The following ZNF609 variants were observed in gnomAD, a reference collection of about 807,000 sequenced individuals.
ZNF609 encodes the protein zinc finger protein 609.
A neutral mutation model predicts 109.5 loss-of-function variants in ZNF609; 11 were observed. The ratio of observed to expected loss-of-function variants is 0.10; its 90% CI spans 0.06 to 0.17. The LOEUF (loss-of-function observed/expected upper bound fraction) is 0.17, where lower values mean the gene tolerates loss of function less well. Ranked by LOEUF, ZNF609 falls within the 10% of genes least tolerant of loss-of-function variation. The pLI is 1.00. For missense variants in ZNF609, 1,559 were observed against 1,772.4 expected (o/e 0.88, Z 2.16); for synonymous variants, 646 against 662.0 (o/e 0.98, Z 0.37).
intron 1 of ZNF609, among the ~76,000 whole-genome samples, chr15:64,492,662 G>T (rs902024888): frequency 1.3e-5 from 2 of 152,112 alleles, no homozygotes; most frequent in Admixed American, 6.6e-5. Context: ...GATTACAGTC[G>T]TGAGGTGCTG....
In ZNF609 at chr15:64,585,873, T is replaced by C. The variant is rs114819806; in HGVS notation, c.748-36954T>C. Among the ~76,000 whole-genome samples the C allele has an allele frequency of 8.8e-3, 1,341 of 152,206 alleles. 24 individuals carry two copies. The highest frequency in any genetic ancestry group is 0.031 in the African/African-American group (1,280 of 41,534). On this transcript the variant is annotated intron_variant, in intron 2 of 9. Transcript: ENST00000326648. Reference sequence around the variant, plus strand: ...TTTGGTTTTGTTTTTTGAGACAGAGTCTTCCTCTGTCGTTCAGACTGGAGT... The same window carrying C: ...TTTGGTTTTGTTTTTTGAGACAGAGCCTTCCTCTGTCGTTCAGACTGGAGT...
intron 1 of ZNF609, among the ~76,000 whole-genome samples, chr15:64,476,431 G>A (rs1026251691): frequency 6.6e-6 from 1 of 152,160 alleles, no homozygotes; most frequent in Non-Finnish European, 1.5e-5. Flanking sequence ...GGAAAAGAGG[G>A]TTAGGTAGGA....
At chr15:64,549,266 C>T (rs1172569015) in intron 2 of ZNF609, among the ~76,000 whole-genome samples, 1 of 152,080 alleles carries the variant, frequency 6.6e-6, no homozygotes, top group Admixed American at 6.6e-5. Context: ...TCTTGGCTTA[C>T]CACAACCTCC....
In ZNF609 at chr15:64,678,313, C is replaced by T. The variant is rs1896835384; in HGVS notation, c.3600C>T (p.Arg1200=). 2.5e-6 allele frequency: 4 copies of T among 1,614,122 alleles called. No homozygotes were observed. The highest frequency in any genetic ancestry group is 3.4e-6 in the Non-Finnish European group (4 of 1,180,012). ...DCKLPTSEES[R]LGSKEPRPSV... The stretch of plus-strand genomic sequence containing the variant: ...AGCTGCCCACGTCAGAGGAGTCTCG[C>T]CTTGGGAGCAAGGAGCCCCGGCCAA... Residue 1200 remains arginine (R), a synonymous_variant, in exon 6 of 10, where the codon CGC becomes CGT. Coordinates refer to ENST00000326648, the MANE Select transcript of ZNF609 (RefSeq NM_015042.2).
At chr15:64,593,081 G>A (rs1259051733) in intron 2 of ZNF609, 2 of 1,593,286 alleles carry the variant, frequency 1.3e-6, no homozygotes, top group Non-Finnish European at 1.7e-6. Flanking sequence ...CAAAGACAAG[G>A]CCATTAAGAA....
intron 2 of ZNF609, among the ~76,000 whole-genome samples, chr15:64,576,897 T>G (rs1227450798): frequency 7.4e-6 from 1 of 135,912 alleles, no homozygotes; most frequent in African/African-American, 2.6e-5. Flanking sequence ...TATAAATATA[T>G]ACATATATAT....
intron 1 of ZNF609, among the ~76,000 whole-genome samples, chr15:64,486,626 T>A (rs972232583): frequency 2.0e-5 from 3 of 152,180 alleles, no homozygotes; most frequent in African/African-American, 7.2e-5. Context: ...GGGGCAGCTT[T>A]TTTTTTCAAG....
At chr15:64,617,578 G>A (rs1468752911) in intron 2 of ZNF609, among the ~76,000 whole-genome samples, 6 of 151,720 alleles carry the variant, frequency 4.0e-5, no homozygotes, top group Non-Finnish European at 7.4e-5. Context: ...TCAGGAGTTC[G>A]AGACCAGCCT....
intron 2 of ZNF609, among the ~76,000 whole-genome samples, chr15:64,551,058 AT>A (rs1894460683): frequency 1.3e-5 from 2 of 151,944 alleles, no homozygotes; most frequent in African/African-American, 4.8e-5. Context: ...GAGTTTTATA[AT>A]TTTAGCTTCT....
intron 2 of ZNF609, among the ~76,000 whole-genome samples, chr15:64,563,693 T>G (rs1894725365): frequency 6.6e-6 from 1 of 151,862 alleles, no homozygotes; most frequent in African/African-American, 2.4e-5. Context: ...GGAGAATAGC[T>G]TGAACCTAGG....
chr15:64,515,454 G>T (rs1365696259), intron 2 of ZNF609, among the ~76,000 whole-genome samples: 3 of 152,184 alleles, frequency 2.0e-5, no homozygotes, highest in Non-Finnish European at 4.4e-5. Context: ...CTCTCCCTGG[G>T]AAGCAGTTTG....
At chr15:64,607,093 G>A (rs1230099515) in intron 2 of ZNF609, among the ~76,000 whole-genome samples, 1 of 152,064 alleles carries the variant, frequency 6.6e-6, no homozygotes, top group Non-Finnish European at 1.5e-5. Flanking sequence ...GCAGTAAGCT[G>A]AGATCGCGCC....
rs139789341 is a variant in ZNF609 at position 64,499,983 on chromosome 15, A to G, written c.564A>G (p.Pro188=). ...AAAAGGATCCTGGGGTCCTCCAGCC[A>G]GTTCCCTTGGGAGGACGGGGTGGTC... ...CSEKDPGVLQ[P]VPLGGRGGQY... is the part of the protein sequence containing the mutation. Residue 188 remains proline, a synonymous_variant, in exon 2 of 10, where the codon CCA becomes CCG. Transcript: ENST00000326648. 14 of 1,614,020 alleles carry G rather than the reference A, an allele frequency of 8.7e-6. No homozygotes were observed. In the African/African-American group the frequency reaches 1.6e-4, roughly 18 times the overall value.
intron 2 of ZNF609, among the ~76,000 whole-genome samples, chr15:64,558,804 T>C (rs1336756797): frequency 3.9e-5 from 6 of 152,246 alleles, no homozygotes; most frequent in African/African-American, 4.8e-5. Context: ...AATCTTGGTA[T>C]TGGAACTTAA....
At chr15:64,507,624 A>C (rs547668679) in intron 2 of ZNF609, among the ~76,000 whole-genome samples, 2 of 152,228 alleles carry the variant, frequency 1.3e-5, no homozygotes, top group Non-Finnish European at 2.9e-5. Context: ...ACAAAGAAGG[A>C]AATTGGACTT....
intron 3 of ZNF609, among the ~76,000 whole-genome samples, chr15:64,632,352 C>T (rs1044851261): frequency 6.6e-6 from 1 of 152,090 alleles, no homozygotes; most frequent in Non-Finnish European, 1.5e-5. Flanking sequence ...CCACACCCAG[C>T]CTCTATTTTT....
intron 2 of ZNF609, among the ~76,000 whole-genome samples, chr15:64,576,658 G>T (rs1000244361): frequency 6.6e-6 from 1 of 151,614 alleles, no homozygotes; most frequent in Admixed American, 6.6e-5. Flanking sequence ...AGTGGATGGA[G>T]CCAGGCGTGG....
chr15:64,608,627 C>T (rs1200140042), intron 2 of ZNF609, among the ~76,000 whole-genome samples: 1 of 152,140 alleles, frequency 6.6e-6, no homozygotes, highest in Non-Finnish European at 1.5e-5. Context: ...CTTTCTTCCA[C>T]CTTCCCCTGC....
At position 64,577,336 on chromosome 15, in the gene ZNF609, CATAT is replaced by C. The variant is rs1173478450; in HGVS notation, c.748-45486_748-45483del. 1.1e-4 allele frequency among the ~76,000 whole-genome samples: 2 copies of C among 18,650 alleles called. 1 individual carries two copies. Among genetic ancestry groups the C allele is most frequent in the African/African-American group, 1.9e-4 (2 of 10,544 alleles). The allele number at this position is 18,650 out of a possible 152,430, so 12.2% of individuals were successfully genotyped here. The stretch of plus-strand genomic sequence containing the variant: ...GTATATATATACACACAAATATATA[CATAT>C]ATATGTATATATATACACATATATG... On this transcript the variant is annotated intron_variant, in intron 2 of 9. Coordinates refer to ENST00000326648, the MANE Select transcript of ZNF609 (RefSeq NM_015042.2).
Sources: allele counts gnomAD v4.1 joint callset (sites outside exome capture counted in the v4.1 genomes callset), GRCh38; gene constraint gnomAD v4.1.1; transcripts MANE v1.5; gene names NCBI Gene and HGNC (gene_info 2026-07-23, HGNC 2026-07-21).